Variants in ZFHX3 observed in about 807,000 individuals in gnomAD.
The protein encoded by ZFHX3 is zinc finger homeobox 3.
In ZFHX3, 42 loss-of-function variants were observed where a neutral mutation model predicts 279.1. The observed-to-expected ratio is 0.15, with a 90% CI of 0.12 to 0.19. The LOEUF is 0.19. ZFHX3 is among the 10% of genes least tolerant of loss of function. ZFHX3 has a pLI of 1.00. For missense variants in ZFHX3, 4,981 were observed against 4,754.0 expected, an observed-to-expected ratio of 1.05 and a Z score of -1.40; for synonymous variants, 2,293 against 1,957.8, an observed-to-expected ratio of 1.17 and a Z score of -4.52.
intron 2 of ZFHX3, among the ~76,000 whole-genome samples, chr16:73,472,293 T>C (rs951729920): frequency 6.8e-6 from 1 of 147,306 alleles, no homozygotes; most frequent in Non-Finnish European, 1.5e-5. Context: ...AAAAACAGCA[T>C]ATCTAAAGTC....
chr16:73,504,810 G>A (rs2019296713), intron 2 of ZFHX3: 1 of 152,228 alleles, frequency 6.6e-6, no homozygotes, highest in African/African-American at 2.4e-5. Context: ...GGAGTGCTTG[G>A]TTGGGGGGGC....
At chr16:73,521,904 T>A (rs825860) in intron 2 of ZFHX3, among the ~76,000 whole-genome samples, 4 of 151,938 alleles carry the variant, frequency 2.6e-5, no homozygotes, top group African/African-American at 4.8e-5. Flanking sequence ...ATTCTGACTC[T>A]GCTGAGGTAG....
chr16:73,147,619 G>A, intron 5 of ZFHX3, among the ~76,000 whole-genome samples: 1 of 148,638 alleles, frequency 6.7e-6, no homozygotes, highest in African/African-American at 2.5e-5. Flanking sequence ...GTGAACCCGG[G>A]AGGCGGAGCT....
At chr16:73,566,628 C>T (rs1222182634) in intron 2 of ZFHX3, among the ~76,000 whole-genome samples, 1 of 151,910 alleles carries the variant, frequency 6.6e-6, no homozygotes, top group Non-Finnish European at 1.5e-5. Context: ...TCAAGCAATC[C>T]TCCCACCTCA....
chr16:73,776,316 T>TC (rs1215973858), intron 1 of ZFHX3, among the ~76,000 whole-genome samples: 1 of 151,948 alleles, frequency 6.6e-6, no homozygotes, highest in Non-Finnish European at 1.5e-5. Context: ...AACTCCACCT[T>TC]CCCACAACCT....
chr16:73,500,071 A>AGT (rs2019207998), intron 2 of ZFHX3: 1 of 152,248 alleles, frequency 6.6e-6, no homozygotes. Flanking sequence ...ATTATTTTAG[A>AGT]GTGTGCTCCC....
At chr16:73,832,404 T>C (rs957076036) in intron 1 of ZFHX3, among the ~76,000 whole-genome samples, 8 of 152,068 alleles carry the variant, frequency 5.3e-5, no homozygotes, top group Non-Finnish European at 1.0e-4. Context: ...TAAGAAACAG[T>C]ACAAAGACCC....
At chr16:73,334,527 C>G (rs900248583) in intron 3 of ZFHX3, among the ~76,000 whole-genome samples, 1 of 152,160 alleles carries the variant, frequency 6.6e-6, no homozygotes, top group Admixed American at 6.5e-5. Flanking sequence ...CCCCTGCTGT[C>G]AACTTCCTGT....
intron 2 of ZFHX3, among the ~76,000 whole-genome samples, chr16:73,572,157 C>T (rs2051745376): frequency 1.6e-5 from 2 of 121,876 alleles, no homozygotes; most frequent in South Asian, 2.9e-4. Context: ...GATTTTGAAT[C>T]TAAATATTCT....
At chr16:72,907,850 A>C (rs1006170794) in intron 3 of ZFHX3, among the ~76,000 whole-genome samples, 1 of 151,744 alleles carries the variant, frequency 6.6e-6, no homozygotes, top group Middle Eastern at 3.4e-3. Context: ...TGCCCAGCTA[A>C]TTTTTGTATT....
intron 2 of ZFHX3, among the ~76,000 whole-genome samples, chr16:73,500,689 T>TA (rs1248862497): frequency 9.7e-4 from 50 of 51,676 alleles, no homozygotes; most frequent in Non-Finnish European, 1.3e-3. Flanking sequence ...AGTTTTAAAA[T>TA]ACAAAAAAAA....
intron 2 of ZFHX3, among the ~76,000 whole-genome samples, chr16:73,491,876 G>A (rs1447831076): frequency 6.6e-6 from 1 of 152,142 alleles, no homozygotes; most frequent in African/African-American, 2.4e-5. Flanking sequence ...AATCGTCAGT[G>A]TTGTTGGCCC....
At chr16:72,971,068 T>C (rs1339174680) in intron 1 of ZFHX3, among the ~76,000 whole-genome samples, 1 of 152,206 alleles carries the variant, frequency 6.6e-6, no homozygotes, top group African/African-American at 2.4e-5. Context: ...CAGATACAGA[T>C]TTTCCTTACC....
intron 1 of ZFHX3, among the ~76,000 whole-genome samples, chr16:73,867,794 G>T (rs1962065743): frequency 6.6e-6 from 1 of 152,302 alleles, no homozygotes. Flanking sequence ...GGTGGGTTCA[G>T]GTGCCTCACT....
intron 3 of ZFHX3, among the ~76,000 whole-genome samples, chr16:72,931,541 CAGGGAAGAGG>C (rs1959806883): frequency 7.0e-6 from 1 of 142,040 alleles, no homozygotes; most frequent in African/African-American, 2.7e-5. Flanking sequence ...AACGTACCGA[CAGGGAAGAGG>C]AGGGATGCAC....
At chr16:72,996,276 C>A (rs1390480343) in intron 1 of ZFHX3, among the ~76,000 whole-genome samples, 1 of 152,164 alleles carries the variant, frequency 6.6e-6, no homozygotes, top group Non-Finnish European at 1.5e-5. Context: ...GAGCAAGACT[C>A]CAACATAAAA....
intron 3 of ZFHX3, chr16:73,402,156 G>A (rs1428318968): frequency 6.6e-6 from 1 of 152,140 alleles, no homozygotes; most frequent in Non-Finnish European, 1.5e-5. Flanking sequence ...GTTTCTTTGT[G>A]ATTGTTATTT....
chr16:73,039,420 C>T (rs567141588), intron 1 of ZFHX3, among the ~76,000 whole-genome samples: 44 of 152,272 alleles, frequency 2.9e-4, no homozygotes, highest in Admixed American at 2.0e-3. Context: ...TTGTTTTAGA[C>T]CAGGAGAAGC....
intron 1 of ZFHX3, among the ~76,000 whole-genome samples, chr16:73,798,720 C>T (rs186618723): frequency 5.9e-4 from 90 of 152,250 alleles, no homozygotes; most frequent in Middle Eastern, 6.8e-3. Context: ...CAACATCAAC[C>T]GATTCAGCAG....
Sources: allele counts gnomAD v4.1 joint callset (sites outside exome capture counted in the v4.1 genomes callset), GRCh38; gene constraint gnomAD v4.1.1; transcripts MANE v1.5; gene names NCBI Gene and HGNC (gene_info 2026-07-23, HGNC 2026-07-21).